The following WDR49 variants were observed in gnomAD, a reference collection of about 807,000 sequenced individuals.
WDR49 encodes the protein WD repeat domain 49.
WDR49 carries 107 observed loss-of-function variants against 119.5 expected under a neutral mutation model. The ratio of observed to expected loss-of-function variants is 0.90; its 90% CI spans 0.77 to 1.05. The LOEUF is 1.05. WDR49 is among the 50% of genes least tolerant of loss of function. The pLI is 0.00. For missense variants in WDR49, 1,240 were observed against 1,220.5 expected, an observed-to-expected ratio of 1.02 and a Z score of -0.24; for synonymous variants, 425 against 418.8, an observed-to-expected ratio of 1.01 and a Z score of -0.18.
At chr3:167,577,798 C>G (rs1310003406) in intron 7 of WDR49, among the ~76,000 whole-genome samples, 1 of 151,984 alleles carries the variant, frequency 6.6e-6, no homozygotes, top group Non-Finnish European at 1.5e-5. Context: ...GTCCTTATTG[C>G]CCCATAAGGC....
intron 6 of WDR49, among the ~76,000 whole-genome samples, chr3:167,602,746 A>G (rs1037330614): frequency 3.9e-5 from 6 of 152,200 alleles, no homozygotes; most frequent in African/African-American, 1.4e-4. Context: ...GTAATCAAGT[A>G]CAGTCATGCA....
intron 18 of WDR49, among the ~76,000 whole-genome samples, chr3:167,484,504 C>T (rs576139611): frequency 7.2e-5 from 11 of 151,870 alleles, no homozygotes; most frequent in East Asian, 3.9e-4. Flanking sequence ...CTGCCTGTGC[C>T]GAGCCTGCCA....
chr3:167,556,482 A>G (rs62278311), intron 9 of WDR49, among the ~76,000 whole-genome samples: 40,637 of 152,146 alleles, frequency 0.27, 5,682 homozygotes, highest in South Asian at 0.31. Flanking sequence ...CTTAAGCCCA[A>G]TAGGCATACT....
intron 2 of WDR49, among the ~76,000 whole-genome samples, chr3:167,632,336 G>C (rs1050790059): frequency 6.6e-6 from 1 of 151,968 alleles, no homozygotes; most frequent in African/African-American, 2.4e-5. Context: ...CTTTTCCAAA[G>C]TGATATAAGC....
chr3:167,551,357 A>G (rs2108263182), intron 10 of WDR49, among the ~76,000 whole-genome samples: 1 of 152,198 alleles, frequency 6.6e-6, no homozygotes, highest in Admixed American at 6.6e-5. Context: ...AAAGAGAGTA[A>G]GCTATATATC....
In WDR49 at chr3:167,532,898, C is replaced by A. The variant is rs1752898624; in HGVS notation, c.2034G>T (p.Arg678Ser). 1.2e-6 allele frequency: 2 copies of A among 1,609,028 alleles called. No individual in the cohort carries two copies. The highest frequency in any genetic ancestry group is 1.7e-6 in the Non-Finnish European group (2 of 1,177,120). ...AHHVLHPDYQ[R>S]LLKSKLDTKP... ...ACTTACCTAATTTTGACTTTAGCAA[C>A]CTCTGGTAATCAGGGTGAAGAACAT... The change falls in exon 12 of 19, where the codon AGG becomes AGT. Residue 678 changes from arginine to serine, a missense_variant. Physicochemically the swap from Arg to Ser is moderately radical, Grantham distance 110. Coordinates refer to ENST00000682715, the MANE Select transcript of WDR49 (RefSeq NM_001366157.1).
intron 5 of WDR49, among the ~76,000 whole-genome samples, chr3:167,616,359 A>G (rs1716597338): frequency 6.6e-6 from 1 of 152,250 alleles, no homozygotes; most frequent in South Asian, 2.1e-4. Flanking sequence ...AAACTGGACA[A>G]ATATTAGCAA....
intron 3 of WDR49, among the ~76,000 whole-genome samples, chr3:167,622,539 T>C (rs1312588121): frequency 2.0e-5 from 3 of 152,134 alleles, no homozygotes; most frequent in East Asian, 1.9e-4. Context: ...ACATCTGCCA[T>C]TTTTCTAACA....
intron 18 of WDR49, among the ~76,000 whole-genome samples, chr3:167,488,366 A>T (rs1751004718): frequency 1.3e-5 from 2 of 151,918 alleles, no homozygotes; most frequent in Admixed American, 6.6e-5. Flanking sequence ...TGTAAATATG[A>T]TAAAAACAGT....
intron 10 of WDR49, among the ~76,000 whole-genome samples, chr3:167,543,178 T>C (rs1035833711): frequency 1.3e-5 from 2 of 151,930 alleles, no homozygotes; most frequent in Non-Finnish European, 2.9e-5. Flanking sequence ...AGTCCAGGAC[T>C]GGATGGATTC....
Position 167,478,937 on chromosome 3 carries a change from G to A in WDR49, c.3091C>T (p.Arg1031Ter), listed in dbSNP as rs770648647. The A allele has an allele frequency of 4.4e-5, 70 of 1,608,782 alleles. No homozygotes were observed. The Middle Eastern group carries it at 5.0e-4, about 11-fold the overall frequency. ...LFPKEILHHERKAKQLCQEKS... is the reference protein window; with the variant it reads ...LFPKEILHHE The stretch of plus-strand genomic sequence containing the variant: ...TCTTGGCATAATTGCTTGGCTTTTC[G>A]TTCATGATGCAGAATTTCCTTGGGA... The change falls in exon 19 of 19, where the codon CGA (arginine) becomes TGA (stop). Residue 1031 changes from arginine to a stop codon, truncating the protein, a stop_gained. Transcript: ENST00000682715. LOFTEE classifies it high-confidence loss of function.
Position 167,626,877 on chromosome 3 carries a change from A to G in WDR49, c.581T>C (p.Leu194Pro), listed in dbSNP as rs1401734773. The change falls in exon 3 of 19, where the codon CTG becomes CCG. Residue 194 changes from leucine (L) to proline (P), a missense_variant. Coordinates refer to ENST00000682715, the MANE Select transcript of WDR49 (RefSeq NM_001366157.1). ...CTTGTTTACATTTTCCAGAGAAACCAGACTTGTCACCCACAGGTGTTTGAG... is the reference window on the plus strand; with the variant it reads ...CTTGTTTACATTTTCCAGAGAAACCGGACTTGTCACCCACAGGTGTTTGAG... ...TKLKHLWVTS[L>P]VSLENVNKIA... 3.3e-5 allele frequency: 41 copies of G among 1,250,326 alleles called. No homozygotes were observed. The East Asian group carries it at 1.3e-3, about 39-fold the overall frequency. 77.5% of individuals were successfully genotyped at this position (1,250,326 alleles called of 1,614,324 possible).
At chr3:167,545,483 AC>A (rs1461821028) in intron 10 of WDR49, among the ~76,000 whole-genome samples, 7 of 123,518 alleles carry the variant, frequency 5.7e-5, no homozygotes, top group Non-Finnish European at 1.3e-4. Context: ...AAGAAAATGT[AC>A]CATATATATA....
intron 16 of WDR49, among the ~76,000 whole-genome samples, chr3:167,520,021 C>T (rs913909862): frequency 6.6e-6 from 1 of 151,626 alleles, no homozygotes; most frequent in African/African-American, 2.4e-5. Flanking sequence ...ATCACTTCAA[C>T]CTAGGAGTTC....
chr3:167,548,110 G>T (rs1330416605), intron 10 of WDR49, among the ~76,000 whole-genome samples: 1 of 151,920 alleles, frequency 6.6e-6, no homozygotes, highest in African/African-American at 2.4e-5. Flanking sequence ...TACTTGTAGG[G>T]TCCATTTTCA....
chr3:167,486,028 A>G (rs917108819), intron 18 of WDR49, among the ~76,000 whole-genome samples: 1 of 152,122 alleles, frequency 6.6e-6, no homozygotes. Flanking sequence ...CAGAGAGACC[A>G]CATCAGGCTA....
intron 9 of WDR49, among the ~76,000 whole-genome samples, chr3:167,559,858 A>C (rs2108269723): frequency 6.6e-6 from 1 of 152,342 alleles, no homozygotes; most frequent in Admixed American, 6.5e-5. Context: ...TAATTTATTC[A>C]GAAAAATTAT....
intron 13 of WDR49, among the ~76,000 whole-genome samples, chr3:167,530,069 AT>A (rs1250093988): frequency 6.6e-6 from 1 of 152,142 alleles, no homozygotes; most frequent in East Asian, 1.9e-4. Context: ...CAGGATAATA[AT>A]TCATATTGTG....
At chr3:167,582,124 A>G (rs1714566341) in intron 7 of WDR49, among the ~76,000 whole-genome samples, 1 of 151,660 alleles carries the variant, frequency 6.6e-6, no homozygotes, top group African/African-American at 2.4e-5. Context: ...ACCGGGAGCA[A>G]TCCACACAAA....
Sources: allele counts gnomAD v4.1 joint callset (sites outside exome capture counted in the v4.1 genomes callset), GRCh38; gene constraint gnomAD v4.1.1; transcripts MANE v1.5; gene names NCBI Gene and HGNC (gene_info 2026-07-23, HGNC 2026-07-21).